CAMTA1: variants seen among roughly 807,000 people sequenced by gnomAD.
The protein encoded by CAMTA1 is calmodulin-binding transcription activator 1.
Under a neutral mutation model 170.9 loss-of-function variants are expected in CAMTA1, and 27 were observed. The ratio of observed to expected loss-of-function variants is 0.16; its 90% CI spans 0.12 to 0.22. CAMTA1 has a LOEUF of 0.22. CAMTA1 is among the 10% of genes least tolerant of loss of function. CAMTA1 has a pLI of 1.00. For missense variants in CAMTA1, 1,619 were observed against 2,217.2 expected (o/e 0.73, Z 5.42); for synonymous variants, 833 against 891.5 (o/e 0.93, Z 1.17).
chr1:7,164,538 G>A (rs1170815237), intron 4 of CAMTA1, among the ~76,000 whole-genome samples: 1 of 152,232 alleles, frequency 6.6e-6, no homozygotes, highest in Non-Finnish European at 1.5e-5. Context: ...ACACACAGCA[G>A]CCAGTGTCTT....
At position 7,532,988 on chromosome 1, in the gene CAMTA1, T is replaced by C. The variant is rs554107001; in HGVS notation, c.510+65087T>C. Among the ~76,000 whole-genome samples, 2 of 151,756 alleles carry C rather than the reference T, an allele frequency of 1.3e-5. No homozygotes were observed. Among genetic ancestry groups the C allele is most frequent in the African/African-American group, 4.8e-5 (2 of 41,288 alleles). Reference sequence around the variant, plus strand: ...AAGAGATGGGAGGCCCAGGTGGGAGTTGAGGGTCCCAATAATTAGTACGTT... The same window carrying C: ...AAGAGATGGGAGGCCCAGGTGGGAGCTGAGGGTCCCAATAATTAGTACGTT... On this transcript the variant is annotated intron_variant, in intron 6 of 22. Transcript: ENST00000303635. This position sits in a 1 kb window ranked among gnomAD's most constrained non-coding sequence, Gnocchi z 4.2.
At chr1:7,620,653 G>A (rs752226886) in intron 6 of CAMTA1, among the ~76,000 whole-genome samples, 1 of 151,986 alleles carries the variant, frequency 6.6e-6, no homozygotes, top group African/African-American at 2.4e-5. Flanking sequence ...GTCTGTATCC[G>A]CCCAGCACTC....
At chr1:7,051,517 G>A (rs1246375209) in intron 3 of CAMTA1, among the ~76,000 whole-genome samples, 1 of 152,226 alleles carries the variant, frequency 6.6e-6, no homozygotes. Context: ...ACCCAGCGCT[G>A]TGAGTGGGGT....
intron 9 of CAMTA1, among the ~76,000 whole-genome samples, chr1:7,666,061 C>T (rs1456035917): frequency 3.3e-5 from 5 of 151,548 alleles, no homozygotes; most frequent in Non-Finnish European, 5.9e-5. Flanking sequence ...CCCAGCTACT[C>T]GGGAGGCTGA....
chr1:7,623,075 T>C (rs1011667501), intron 6 of CAMTA1, among the ~76,000 whole-genome samples: 1 of 152,224 alleles, frequency 6.6e-6, no homozygotes. Flanking sequence ...GCTCGCTGGC[T>C]AAATTCTCCA....
At chr1:7,053,403 CCT>C (rs963582460) in intron 3 of CAMTA1, among the ~76,000 whole-genome samples, 2 of 152,320 alleles carry the variant, frequency 1.3e-5, no homozygotes, top group East Asian at 3.9e-4. Context: ...GTGGCAGCCC[CCT>C]CTCTGGTCTC....
chr1:6,994,790 C>T (rs1196200177), intron 3 of CAMTA1, among the ~76,000 whole-genome samples: 1 of 152,110 alleles, frequency 6.6e-6, no homozygotes, highest in East Asian at 1.9e-4. Flanking sequence ...CCCTCAGCCT[C>T]CTGAATAGCT....
chr1:7,257,534 C>CG lies in CAMTA1; in HGVS notation c.438+7909dup, dbSNP rs572050871. Among the ~76,000 whole-genome samples the CG allele has an allele frequency of 1.2e-3, 179 of 152,004 alleles. 1 individual carries two copies. The highest frequency in any genetic ancestry group is 4.1e-3 in the African/African-American group (170 of 41,406). Reference sequence around the variant, plus strand: ...TGCCCATTTCCATTTGTCCTGAAGCCGTAGCTTCCGAGCTTCCACGGCACA... The same window carrying CG: ...TGCCCATTTCCATTTGTCCTGAAGCCGGTAGCTTCCGAGCTTCCACGGCACA... On this transcript the variant is annotated intron_variant, in intron 5 of 22. Transcript: ENST00000303635.
chr1:6,985,165 C>T (rs75070979), intron 3 of CAMTA1, among the ~76,000 whole-genome samples: 2,901 of 152,204 alleles, frequency 0.019, 37 homozygotes, highest in Middle Eastern at 0.041. Context: ...GTGTAGGGGG[C>T]GTGGGGCTGA....
intron 6 of CAMTA1, among the ~76,000 whole-genome samples, chr1:7,637,078 G>T (rs1244279020): frequency 1.3e-5 from 2 of 152,258 alleles, no homozygotes; most frequent in African/African-American, 2.4e-5. Flanking sequence ...TGCAGGCAGA[G>T]CTTCCTGAGA....
At chr1:7,471,561 G>T (rs1316484466) in intron 6 of CAMTA1, among the ~76,000 whole-genome samples, 3 of 152,268 alleles carry the variant, frequency 2.0e-5, no homozygotes, top group Non-Finnish European at 4.4e-5. Flanking sequence ...AGCCTACCCA[G>T]TGCATTTTCT....
chr1:7,314,721 T>C (rs1677226826), intron 5 of CAMTA1, among the ~76,000 whole-genome samples: 1 of 152,214 alleles, frequency 6.6e-6, no homozygotes, highest in Non-Finnish European at 1.5e-5. Flanking sequence ...GCTGATTTCA[T>C]GTGCTATTGA....
intron 3 of CAMTA1, among the ~76,000 whole-genome samples, chr1:7,051,320 G>A (rs573314459): frequency 2.5e-4 from 38 of 152,292 alleles, no homozygotes; most frequent in South Asian, 1.0e-3. Flanking sequence ...AGGCTTCTCC[G>A]GTGACACAGT....
intron 4 of CAMTA1, among the ~76,000 whole-genome samples, chr1:7,194,806 A>G (rs1273110905): frequency 1.3e-5 from 2 of 152,174 alleles, no homozygotes; most frequent in African/African-American, 4.8e-5. Flanking sequence ...GGCTAAGAGA[A>G]ATATTGGGCT....
intron 3 of CAMTA1, among the ~76,000 whole-genome samples, chr1:7,046,702 G>T (rs1705441104): frequency 1.3e-5 from 2 of 152,188 alleles, no homozygotes; most frequent in Admixed American, 1.3e-4. Context: ...TGGTTTAGGG[G>T]CAAGAGTGTG....
intron 6 of CAMTA1, among the ~76,000 whole-genome samples, chr1:7,492,865 A>G (rs1164362700): frequency 6.9e-6 from 1 of 145,002 alleles, no homozygotes. Flanking sequence ...AAACCTACAA[A>G]CACACGCGCA....
intron 3 of CAMTA1, among the ~76,000 whole-genome samples, chr1:7,029,641 A>C (rs1702530157): frequency 6.6e-6 from 1 of 152,208 alleles, no homozygotes; most frequent in Admixed American, 6.5e-5. Context: ...TGAGCAACTC[A>C]ACTTCTCTAG....
intron 5 of CAMTA1, among the ~76,000 whole-genome samples, chr1:7,259,474 C>T (rs537301693): frequency 2.2e-3 from 341 of 152,306 alleles, no homozygotes; most frequent in Non-Finnish European, 4.1e-3. Context: ...TCCAAGTCTG[C>T]GTCTTAGTAT....
rs56382342 is a variant in CAMTA1 at position 7,323,507 on chromosome 1, C to CTTTTTTTTTTTTTTT, written c.438+73892_438+73906dup. On this transcript the variant is annotated intron_variant, in intron 5 of 22. Transcript: ENST00000303635. ...GGATGATTCTATTTCCTTTATTCTTCTTTTTTTTTTTTTTTTTTTTTTTTT... is the reference window on the plus strand; with the variant it reads ...GGATGATTCTATTTCCTTTATTCTTCTTTTTTTTTTTTTTTTTTTTTTTTTTTTTTTTTTTTTTTT... Among the ~76,000 whole-genome samples, 38 of 108,998 alleles carry CTTTTTTTTTTTTTTT rather than the reference C, an allele frequency of 3.5e-4. 1 individual carries two copies. Among genetic ancestry groups the CTTTTTTTTTTTTTTT allele is most frequent in the Non-Finnish European group, 4.2e-4 (24 of 57,146 alleles). 71.5% of individuals were successfully genotyped at this position (108,998 alleles called of 152,430 possible). A position where few individuals can be genotyped will look rare whatever the true frequency, so the allele number is the denominator to read the frequency against.
Sources: gnomAD v4.1 joint callset for allele counts (sites outside exome capture counted in the v4.1 genomes callset) on GRCh38, gnomAD v4.1.1 for gene constraint, Gnocchi (gnomAD v3.1) non-coding constraint, MANE v1.5 for transcripts, NCBI Gene and HGNC (gene_info 2026-07-23, HGNC 2026-07-21) for gene names.